TMEFF1: variants seen among roughly 807,000 people sequenced by gnomAD.
TMEFF1 encodes transmembrane protein with EGF like and two follistatin like domains 1.
Under a neutral mutation model 47.5 loss-of-function variants are expected in TMEFF1, and 20 were observed. That is an observed-to-expected ratio of 0.42 (90% confidence interval 0.30 to 0.61). The LOEUF is 0.61. TMEFF1 is among the 20% of genes least tolerant of loss of function. TMEFF1 has a pLI of 0.19. For synonymous variants in TMEFF1, 162 were observed against 166.3 expected, an observed-to-expected ratio of 0.97 and a Z score of 0.20; for missense variants, 411 against 471.1, an observed-to-expected ratio of 0.87 and a Z score of 1.18.
intron 1 of TMEFF1, among the ~76,000 whole-genome samples, chr9:100,496,530 AG>A (rs1411410336): frequency 6.6e-6 from 1 of 152,218 alleles, no homozygotes; most frequent in Admixed American, 6.5e-5. Context: ...GTGAGCCACC[AG>A]GCCCAGCCAG....
chr9:100,504,925 C>A (rs1441722987), intron 2 of TMEFF1, among the ~76,000 whole-genome samples: 1 of 151,958 alleles, frequency 6.6e-6, no homozygotes, highest in Non-Finnish European at 1.5e-5. Context: ...AGAAGAAATT[C>A]ACGGATAAAT....
chr9:100,566,948 A>G (rs7467938), intron 8 of TMEFF1, among the ~76,000 whole-genome samples: 2 of 152,004 alleles, frequency 1.3e-5, no homozygotes, highest in Admixed American at 6.6e-5. Context: ...AGACAGTTTC[A>G]TCATGTTGCG....
chr9:100,511,462 G>A (rs1041922926), intron 3 of TMEFF1, among the ~76,000 whole-genome samples: 1 of 152,170 alleles, frequency 6.6e-6, no homozygotes, highest in Non-Finnish European at 1.5e-5. Context: ...ATCTCCTGGG[G>A]TTGTTAAATA....
chr9:100,485,962 G>A (rs986774104), intron 1 of TMEFF1, among the ~76,000 whole-genome samples: 2 of 151,134 alleles, frequency 1.3e-5, no homozygotes, highest in African/African-American at 4.9e-5. Context: ...AGGTTCTAAA[G>A]TTCTTAACGT....
intron 5 of TMEFF1, among the ~76,000 whole-genome samples, chr9:100,524,975 C>G (rs1400232483): frequency 6.6e-6 from 1 of 152,120 alleles, no homozygotes; most frequent in Non-Finnish European, 1.5e-5. Flanking sequence ...AGATAAGAAT[C>G]TGGGCCAGGC....
At position 100,564,760 on chromosome 9, in the gene TMEFF1, T is replaced by C. The variant is rs548303230; in HGVS notation, c.899+3240T>C. Among the ~76,000 whole-genome samples, 286 of 152,246 alleles carry C rather than the reference T, an allele frequency of 1.9e-3. 13 individuals carry two copies. The South Asian group carries it at 0.057, about 30-fold the overall frequency. The stretch of plus-strand genomic sequence containing the variant: ...AAATCTGAAAGCCACTCTGGTGACA[T>C]TGTGGAAAGTAGATTAGAAAATTTA... On this transcript the variant is annotated intron_variant, in intron 8 of 9. Transcript: ENST00000374879.
intron 1 of TMEFF1, among the ~76,000 whole-genome samples, chr9:100,487,596 T>G (rs1444355620): frequency 6.6e-6 from 1 of 152,188 alleles, no homozygotes; most frequent in Non-Finnish European, 1.5e-5. Flanking sequence ...TTAAAAAAAT[T>G]ATTCAATGTT....
intron 7 of TMEFF1, among the ~76,000 whole-genome samples, chr9:100,555,195 G>GCACA (rs139683465): frequency 2.2e-5 from 3 of 135,578 alleles, no homozygotes; most frequent in Admixed American, 1.4e-4. Flanking sequence ...ACACACACAC[G>GCACA]CACACACATT....
chr9:100,530,380 G>A (rs144366753), intron 5 of TMEFF1, among the ~76,000 whole-genome samples: 3,761 of 151,752 alleles, frequency 0.025, 62 homozygotes, highest in Middle Eastern at 0.034. Flanking sequence ...TCAAATAGAC[G>A]CAATAAAAAA....
chr9:100,561,292 T>C, intron 7 of TMEFF1, 105 bp from the exon 8 acceptor site: 4 of 1,514,038 alleles, frequency 2.6e-6, no homozygotes, highest in African/African-American at 2.8e-5. Context: ...TGCCAGTAGG[T>C]GGTTGACAGT....
At chr9:100,565,083 C>T (rs574551252) in intron 8 of TMEFF1, among the ~76,000 whole-genome samples, 1 of 152,086 alleles carries the variant, frequency 6.6e-6, no homozygotes, top group African/African-American at 2.4e-5. Context: ...TCTAAGATGC[C>T]TGTGGGATAT....
At chr9:100,576,471 T>C in intron 9 of TMEFF1, 45 bp from the exon 10 acceptor site, 1 of 1,598,250 alleles carries the variant, frequency 6.3e-7, no homozygotes, top group Non-Finnish European at 8.5e-7. Flanking sequence ...CTGAACAAAA[T>C]CATCAAAACA....
At chr9:100,512,478 C>T (rs941563143) in intron 3 of TMEFF1, among the ~76,000 whole-genome samples, 4 of 152,084 alleles carry the variant, frequency 2.6e-5, no homozygotes, top group African/African-American at 9.7e-5. Flanking sequence ...TCTTTAGGAT[C>T]CAGGGTATCC....
At chr9:100,512,807 C>G (rs1837992756) in intron 3 of TMEFF1, among the ~76,000 whole-genome samples, 2 of 152,086 alleles carry the variant, frequency 1.3e-5, no homozygotes, top group Admixed American at 6.5e-5. Flanking sequence ...TCCTTGCTTC[C>G]TAAACCTTGG....
intron 1 of TMEFF1, among the ~76,000 whole-genome samples, chr9:100,476,080 G>A (rs948278879): frequency 6.6e-6 from 1 of 152,042 alleles, no homozygotes; most frequent in Non-Finnish European, 1.5e-5. Context: ...TCTTTCAAGC[G>A]TATTCATCAC....
In TMEFF1 at chr9:100,480,207, AT is replaced by A. The variant is rs534559557; in HGVS notation, c.196+6471del. ...CTATTCAGATCCTTTGCTGGGCTTGATTTTGACATCTTGGAGTAATCATTCC... is the reference window on the plus strand; with the variant it reads ...CTATTCAGATCCTTTGCTGGGCTTGATTTGACATCTTGGAGTAATCATTCC... On this transcript the variant is annotated intron_variant, in intron 1 of 9. Coordinates refer to ENST00000374879, the MANE Select transcript of TMEFF1 (RefSeq NM_003692.5). Among the ~76,000 whole-genome samples, 899 of 152,176 alleles carry A rather than the reference AT, an allele frequency of 5.9e-3. 7 individuals carry two copies. The highest frequency in any genetic ancestry group is 9.6e-3 in the Non-Finnish European group (656 of 67,994).
rs138684677 is a variant in TMEFF1 at position 100,543,834 on chromosome 9, C to T, written c.561-3910C>T. ...GGGCTGTGGGTTGGACAAGCTTGGCCTAGAGCCTCTTCTAGTCCTTGACCC... is the reference window on the plus strand; with the variant it reads ...GGGCTGTGGGTTGGACAAGCTTGGCTTAGAGCCTCTTCTAGTCCTTGACCC... On this transcript the variant is annotated intron_variant, in intron 5 of 9. Transcript: ENST00000374879. Among the ~76,000 whole-genome samples the T allele has an allele frequency of 3.9e-3, 595 of 152,056 alleles. 5 individuals carry two copies. The highest frequency in any genetic ancestry group is 0.014 in the African/African-American group (562 of 41,472).
chr9:100,524,430 G>A (rs1344789281), intron 5 of TMEFF1, among the ~76,000 whole-genome samples: 1 of 152,208 alleles, frequency 6.6e-6, no homozygotes. Context: ...AGCCTCTGTG[G>A]CAGGGTCTGG....
At position 100,548,936 on chromosome 9, in the gene TMEFF1, C is replaced by CA. The variant is rs1395852374; in HGVS notation, c.709+1045dup. Reference sequence around the variant, plus strand: ...TGATCTTGAAGAAGTATGGTCCCCCCACCCCAGTGGGGTGGCATTTAGAGC... The same window carrying CA: ...TGATCTTGAAGAAGTATGGTCCCCCCAACCCCAGTGGGGTGGCATTTAGAGC... On this transcript the variant is annotated intron_variant, in intron 6 of 9. Coordinates refer to ENST00000374879, the MANE Select transcript of TMEFF1 (RefSeq NM_003692.5). 6.6e-5 allele frequency among the ~76,000 whole-genome samples: 10 copies of CA among 152,192 alleles called. No individual in the cohort carries two copies. The East Asian group carries it at 1.9e-3, about 30-fold the overall frequency.
Sources: allele counts gnomAD v4.1 joint callset (sites outside exome capture counted in the v4.1 genomes callset), GRCh38; gene constraint gnomAD v4.1.1; transcripts MANE v1.5; gene names NCBI Gene and HGNC (gene_info 2026-07-23, HGNC 2026-07-21).